Variants in GTF2I observed in about 807,000 individuals in gnomAD.
GTF2I encodes the protein general transcription factor IIi.
Under a neutral mutation model 67.6 loss-of-function variants are expected in GTF2I, and 12 were observed. The observed-to-expected ratio is 0.18, with a 90% CI of 0.11 to 0.29. GTF2I has a LOEUF of 0.29. GTF2I is among the 10% of genes least tolerant of loss of function. GTF2I has a pLI of 1.00. For missense variants in GTF2I, 271 were observed against 580.1 expected, an observed-to-expected ratio of 0.47 and a Z score of 5.47; for synonymous variants, 149 against 197.0, an observed-to-expected ratio of 0.76 and a Z score of 2.04.
chr7:74,672,595 A>C (rs1554391049), intron 1 of GTF2I, among the ~76,000 whole-genome samples: 2 of 152,076 alleles, frequency 1.3e-5, no homozygotes, highest in African/African-American at 2.4e-5. Flanking sequence ...TTGCTGACCT[A>C]ATTTATTTTC....
At chr7:74,674,594 A>G (rs371217021) in intron 1 of GTF2I, among the ~76,000 whole-genome samples, 58 of 152,222 alleles carry the variant, frequency 3.8e-4, no homozygotes, top group African/African-American at 1.3e-3. Context: ...ACTGGAGTGC[A>G]GTCGTGCAAT....
At chr7:74,708,603 A>C (rs1791094572) in intron 8 of GTF2I, among the ~76,000 whole-genome samples, 2 of 152,140 alleles carry the variant, frequency 1.3e-5, no homozygotes, top group African/African-American at 4.8e-5. Flanking sequence ...TTTTGGGATG[A>C]GAATGCAGAC....
At chr7:74,708,179 T>A (rs187908058) in intron 8 of GTF2I, among the ~76,000 whole-genome samples, 2 of 152,068 alleles carry the variant, frequency 1.3e-5, no homozygotes, top group East Asian at 3.9e-4. Flanking sequence ...GGTGGGCGCC[T>A]GTAATCCCAG....
intron 8 of GTF2I, among the ~76,000 whole-genome samples, chr7:74,710,686 T>C (rs1207596828): frequency 6.6e-6 from 1 of 152,220 alleles, no homozygotes; most frequent in African/African-American, 2.4e-5. Flanking sequence ...TTATTAAAAC[T>C]GATGTTTATA....
At chr7:74,658,304 C>T (rs1329495650) in intron 1 of GTF2I, among the ~76,000 whole-genome samples, 2 of 149,614 alleles carry the variant, frequency 1.3e-5, no homozygotes, top group African/African-American at 4.9e-5. Context: ...GTGGCCGAAA[C>T]GAGGCGATGG....
chr7:74,665,251 A>T (rs1226293709), intron 1 of GTF2I, among the ~76,000 whole-genome samples: 1 of 148,774 alleles, frequency 6.7e-6, no homozygotes, highest in Non-Finnish European at 1.5e-5. Context: ...CCTATTTTTT[A>T]TTTTTATTTT....
rs76321218 is a variant in GTF2I, at chr7:74,684,334, C to T, written c.-5-4790C>T. The stretch of plus-strand genomic sequence containing the variant: ...TATGGACGAGGCAACTGAGTACAGC[C>T]CCCAGGGGCACGCAGCGAGATGGCT... On this transcript the variant is annotated intron_variant, in intron 1 of 34. Coordinates refer to ENST00000573035, the MANE Select transcript of GTF2I (RefSeq NM_032999.4). Among the ~76,000 whole-genome samples, 1,423 of 152,318 alleles carry T rather than the reference C, an allele frequency of 9.3e-3. 27 individuals carry two copies. The highest frequency in any genetic ancestry group is 0.031 in the African/African-American group (1,281 of 41,564).
chr7:74,717,203 C>T, intron 11 of GTF2I: 1 of 293,162 alleles, frequency 3.4e-6, no homozygotes, highest in Non-Finnish European at 6.2e-6. Flanking sequence ...CAAAATGCTA[C>T]TTTTTTTTTT....
chr7:74,707,365 C>T (rs1433516579), intron 8 of GTF2I, among the ~76,000 whole-genome samples: 3 of 152,164 alleles, frequency 2.0e-5, no homozygotes, highest in Non-Finnish European at 2.9e-5. Context: ...ACCAGGCCCT[C>T]GGCAGCTTCC....
chr7:74,718,301 T>C (rs1323513210), intron 11 of GTF2I, among the ~76,000 whole-genome samples: 1 of 152,238 alleles, frequency 6.6e-6, no homozygotes, highest in South Asian at 2.1e-4. Context: ...TCTATAAGCT[T>C]CTAGCACTAA....
intron 1 of GTF2I, among the ~76,000 whole-genome samples, chr7:74,672,682 A>G (rs1805562953): frequency 6.6e-6 from 1 of 152,234 alleles, no homozygotes; most frequent in Admixed American, 6.5e-5. Flanking sequence ...CAAGGCATAC[A>G]GAAGTCCTGC....
At chr7:74,716,791 T>C in intron 10 of GTF2I, 103 bp from the exon 11 acceptor site, 2 of 706,298 alleles carry the variant, frequency 2.8e-6, no homozygotes, top group Admixed American at 2.4e-5. Flanking sequence ...ATTTTGCATA[T>C]GTTTATTATG....
intron 11 of GTF2I, among the ~76,000 whole-genome samples, chr7:74,717,935 TTGTG>T (rs1554403929): frequency 6.6e-6 from 1 of 152,140 alleles, no homozygotes; most frequent in Non-Finnish European, 1.5e-5. Context: ...TTATAGAAGA[TTGTG>T]TGGGTGAATG....
intron 1 of GTF2I, among the ~76,000 whole-genome samples, chr7:74,674,123 G>A (rs1554391613): frequency 6.9e-6 from 1 of 145,492 alleles, no homozygotes. Flanking sequence ...AAGCTGGAGT[G>A]CAGTGGTGTG....
intron 8 of GTF2I, 72 bp from the exon 9 acceptor site, chr7:74,710,960 A>G (rs992229527): frequency 1.4e-6 from 1 of 705,428 alleles, no homozygotes; most frequent in Non-Finnish European, 2.5e-6. Context: ...TAGGGAGGGC[A>G]GAGAGGATTT....
At chr7:74,691,134 T>C (rs781789780) in intron 3 of GTF2I, 23 bp downstream of exon 3, 2 of 1,486,794 alleles carry the variant, frequency 1.3e-6, no homozygotes, top group African/African-American at 1.4e-5. Flanking sequence ...TTTTTATCTT[T>C]TGCATTTCAT....
intron 1 of GTF2I, among the ~76,000 whole-genome samples, chr7:74,674,355 G>A (rs1225933455): frequency 6.6e-6 from 1 of 151,990 alleles, no homozygotes; most frequent in Admixed American, 6.6e-5. Context: ...GGTGAGCCAC[G>A]GCGCCCAGTC....
chr7:74,726,418 GT>G (rs1321566351), intron 12 of GTF2I: 9 of 152,092 alleles, frequency 5.9e-5, no homozygotes, highest in Admixed American at 5.2e-4. Context: ...ACACACTTCT[GT>G]TTTCCAGATT....
intron 1 of GTF2I, among the ~76,000 whole-genome samples, chr7:74,673,051 G>A (rs782335575): frequency 5.9e-5 from 9 of 152,010 alleles, no homozygotes; most frequent in Non-Finnish European, 1.3e-4. Context: ...TAGTAAAGAT[G>A]GGGTATCACC....
Sources: gnomAD v4.1 joint callset for allele counts (sites outside exome capture counted in the v4.1 genomes callset) on GRCh38, gnomAD v4.1.1 for gene constraint, MANE v1.5 for transcripts, NCBI Gene and HGNC (gene_info 2026-07-23, HGNC 2026-07-21) for gene names.